Variants in CD177 observed in about 807,000 individuals in gnomAD.
The protein encoded by CD177 is CD177 antigen.
CD177 carries 41 observed loss-of-function variants against 38.1 expected under a neutral mutation model. The observed-to-expected ratio is 1.07, with a 90% CI of 0.84 to 1.39. The LOEUF (loss-of-function observed/expected upper bound fraction) is 1.39. CD177 is among the 40% of genes most tolerant of loss of function. The pLI is 0.00. For synonymous variants in CD177, 236 were observed against 216.7 expected, an observed-to-expected ratio of 1.09 and a Z score of -0.78; for missense variants, 619 against 523.8, an observed-to-expected ratio of 1.18 and a Z score of -1.77.
intron 3 of CD177, 113 bp from the exon 4 acceptor site, chr19:43,355,548 G>A (rs1197187708): frequency 7.8e-7 from 1 of 1,283,320 alleles, no homozygotes. Context: ...GGCCCCTTTG[G>A]GAAGGCTGAG....
rs552483180 is a variant in CD177 at position 43,360,381 on chromosome 19, G to A, written c.736G>A (p.Glu246Lys). Residue 246 changes from glutamate (E) to lysine (K), a missense_variant, in exon 6 of 9, where the codon GAG (glutamate) becomes AAG (lysine). By Grantham distance (56) the Glu-to-Lys change is moderately conservative. Coordinates refer to ENST00000618265, the MANE Select transcript of CD177 (RefSeq NM_020406.4). ...EMCEVGQVCQ[E>K]TLLLLDVGLT... ...GTGCGAGGTGGGGCAGGTGTGTCAG[G>A]AGACGCTGCTGCTCCTAGATGTAGG... 59 of 1,606,596 alleles carry A rather than the reference G, an allele frequency of 3.7e-5. No individual in the cohort carries two copies. The East Asian group carries it at 1.3e-3, about 35-fold the overall frequency.
rs1167018500 is a variant in CD177, at chr19:43,361,618, G to A, written c.1081+39G>A. ...GCAGGGCCCCAAGGATGAAGGCACT[G>A]GTGGCCTGGACTCCTGGGTCTGAGG... On this transcript the variant is annotated intron_variant, in intron 8 of 8. Transcript: ENST00000618265. 2.6e-6 allele frequency: 4 copies of A among 1,549,808 alleles called. No homozygotes were observed. The South Asian group carries it at 3.6e-5, about 14-fold the overall frequency.
intron 8 of CD177, 26 bp downstream of exon 8, chr19:43,361,605 G>A (rs1205576571): frequency 1.3e-6 from 2 of 1,553,358 alleles, no homozygotes; most frequent in Admixed American, 1.9e-5. Context: ...AGGGCCCCAA[G>A]GATGAAGGCA....
At position 43,355,978 on chromosome 19, in the gene CD177, C is replaced by T. The variant is rs1438299930; in HGVS notation, c.503-14C>T. On this transcript the variant is annotated splice_polypyrimidine_tract_variant and intron_variant, in intron 4 of 8. Coordinates refer to ENST00000618265, the MANE Select transcript of CD177 (RefSeq NM_020406.4). ...GCAGCATCACTGACTCTCCCTCGCT[C>T]CCCCTTTCTGCAGGAGGCATCTTCT... 1 of 668,402 alleles carries T rather than the reference C, an allele frequency of 1.5e-6. No homozygotes were observed. The highest frequency in any genetic ancestry group is 2.7e-6 in the Non-Finnish European group (1 of 367,078). 41.4% of individuals were successfully genotyped at this position (668,402 alleles called of 1,614,324 possible). A position where few individuals can be genotyped will look rare whatever the true frequency, so the allele number is the denominator to read the frequency against.
chr19:43,354,424 G>A (rs757170980), intron 3 of CD177, 32 bp downstream of exon 3: 2 of 1,610,470 alleles, frequency 1.2e-6, no homozygotes, highest in East Asian at 2.2e-5. Context: ...GGAGAGGGAG[G>A]GGCTGCTAGA....
rs7257560 is a variant in CD177, at chr19:43,362,671, T to C, written c.*351T>C. The C allele has an allele frequency of 0.36, 64,571 of 177,056 alleles. 12,200 individuals are homozygous for C. Among genetic ancestry groups the C allele is most frequent in the South Asian group, 0.54 (2,859 of 5,342 alleles). 11.0% of individuals were successfully genotyped at this position (177,056 alleles called of 1,614,324 possible). On this transcript the variant is annotated 3_prime_UTR_variant, in exon 9 of 9. Coordinates refer to ENST00000618265, the MANE Select transcript of CD177 (RefSeq NM_020406.4). ...GGAGCCTAATGAGAAAATGACCATC[T>C]AAAGCCTGCCCTTCATTGGTCTGGT... is the stretch of plus-strand genomic sequence containing the variant.
In CD177 at chr19:43,354,000, A is replaced by G. The variant is rs1969881721; in HGVS notation, c.193+7A>G. 16 of 1,612,928 alleles carry G rather than the reference A, an allele frequency of 9.9e-6. No individual in the cohort carries two copies. The highest frequency in any genetic ancestry group is 1.3e-5 in the African/African-American group (1 of 74,856). On this transcript the variant is annotated splice_region_variant and intron_variant, in intron 2 of 8. Transcript: ENST00000618265. Reference sequence around the variant, plus strand: ...TTGATGCTCATTGAGAGCGGTGAGAAGGCCCTGGCGTGCAGAGACCCCGCC... The same window carrying G: ...TTGATGCTCATTGAGAGCGGTGAGAGGGCCCTGGCGTGCAGAGACCCCGCC...
At chr19:43,365,886 G>C (rs1970022290), downstream of CD177, among the ~76,000 whole-genome samples, 1 of 152,174 alleles carries the variant, frequency 6.6e-6, no homozygotes, top group Non-Finnish European at 1.5e-5. Context: ...CTGACCCCAT[G>C]CTCAGCTGTC....
chr19:43,354,236 G>A lies in CD177; in HGVS notation c.223G>A (p.Gly75Ser). ...GPQVSLVLSKGCTEAKDQEPR... is the reference protein window; with the variant it reads ...GPQVSLVLSKSCTEAKDQEPR... Reference sequence around the variant, plus strand: ...CCAAGTGAGCCTGGTGCTCTCCAAGGGCTGCACGGAGGCCAAGGACCAGGA... The same window carrying A: ...CCAAGTGAGCCTGGTGCTCTCCAAGAGCTGCACGGAGGCCAAGGACCAGGA... Residue 75 changes from glycine (G) to serine (S), a missense_variant, in exon 3 of 9, where the codon GGC becomes AGC. Coordinates refer to ENST00000618265, the MANE Select transcript of CD177 (RefSeq NM_020406.4). The A allele has an allele frequency of 3.1e-6, 5 of 1,613,610 alleles. No homozygotes were observed. Among genetic ancestry groups the A allele is most frequent in the Non-Finnish European group, 4.2e-6 (5 of 1,179,760 alleles).
At chr19:43,364,180 C>T (rs1970010677), downstream of CD177, among the ~76,000 whole-genome samples, 2 of 152,214 alleles carry the variant, frequency 1.3e-5, no homozygotes, top group Admixed American at 6.5e-5. Flanking sequence ...CAGTGATGTC[C>T]TCCTCCCATT....
intron 2 of CD177, 78 bp from the exon 3 acceptor site, chr19:43,354,129 A>G: frequency 6.4e-7 from 1 of 1,567,364 alleles, no homozygotes. Flanking sequence ...CTCTCAGCCT[A>G]CGCCGTGTAG....
Position 43,354,330 on chromosome 19 carries a change from A to T in CD177, c.317A>T (p.Gln106Leu), listed in dbSNP as rs761934579. 1 of 1,613,944 alleles carries T rather than the reference A, an allele frequency of 6.2e-7. No individual in the cohort carries two copies. Among genetic ancestry groups the T allele is most frequent in the Non-Finnish European group, 8.5e-7 (1 of 1,179,858 alleles). The change falls in exon 3 of 9, where the codon CAG becomes CTG. Residue 106 changes from glutamine (Q) to leucine (L), a missense_variant. Coordinates refer to ENST00000618265, the MANE Select transcript of CD177 (RefSeq NM_020406.4). ...SLISYTFVCR[Q>L]EDFCNNLVNS... is the part of the protein sequence containing the mutation. ...ATCTCCTACACCTTCGTGTGCCGCCAGGAGGACTTCTGCAACAACCTCGTT... is the reference window on the plus strand; with the variant it reads ...ATCTCCTACACCTTCGTGTGCCGCCTGGAGGACTTCTGCAACAACCTCGTT...
chr19:43,361,956 G>A (rs570280254), intron 8 of CD177, 132 bp from the exon 9 acceptor site: 15 of 708,490 alleles, frequency 2.1e-5, no homozygotes, highest in Admixed American at 1.1e-4. Context: ...TGGACCCCTG[G>A]GTCTGAGGAG....
chr19:43,363,896 T>A (rs940029504), downstream of CD177, among the ~76,000 whole-genome samples: 1 of 152,082 alleles, frequency 6.6e-6, no homozygotes, highest in Non-Finnish European at 1.5e-5. Context: ...GAGACCAGCC[T>A]GGGCAACATA....
rs774137849 is a variant in CD177 at position 43,362,279 on chromosome 19, G to C, written c.1273G>C (p.Ala425Pro). Residue 425 changes from alanine (A) to proline (P), a missense_variant, in exon 9 of 9, where the codon GCC (alanine) becomes CCC (proline). Ala to Pro is a conservative substitution (Grantham distance 27, BLOSUM62 -1). Coordinates refer to ENST00000618265, the MANE Select transcript of CD177 (RefSeq NM_020406.4). ...CACTTGGGGGGTGGGGCTGGCACTG[G>C]CCCCAGCGCTGTGGTGGGGAGTGGT... ...SLTWGVGLAL[A>P]PALWWGVVCP... 7.1e-5 allele frequency: 114 copies of C among 1,594,776 alleles called. 2 individuals carry two copies. The Admixed American group carries it at 1.9e-3, about 26-fold the overall frequency.
chr19:43,362,207 C>A lies in CD177; in HGVS notation c.1201C>A (p.Pro401Thr). 6.2e-7 allele frequency: 1 copy of A among 1,613,010 alleles called. No homozygotes were observed. Among genetic ancestry groups the A allele is most frequent in the Non-Finnish European group, 8.5e-7 (1 of 1,179,380 alleles). ...GCGTGAGAAGCGTGATGTGCAGCCT[C>A]CTGCCTCTCAGCATGAGGGAGGTGG... ...SAREKRDVQPPASQHEGGGAE... is the reference protein window; with the variant it reads ...SAREKRDVQPTASQHEGGGAE... The change falls in exon 9 of 9, where the codon CCT becomes ACT. Residue 401 changes from proline (P) to threonine (T), a missense_variant. By Grantham distance (38) the Pro-to-Thr change is conservative. Coordinates refer to ENST00000618265, the MANE Select transcript of CD177 (RefSeq NM_020406.4).
chr19:43,362,110 C>G lies in CD177; in HGVS notation c.1104C>G (p.Ser368Arg), dbSNP rs1372128684. Reference sequence around the variant, plus strand: ...TAGGTGGGCTGTCCACCAAAATGAGCATTCAGGGCTGCGTGGCCCAACCTT... The same window carrying G: ...TAGGTGGGCTGTCCACCAAAATGAGGATTCAGGGCTGCGTGGCCCAACCTT... ...LSGGGLSTKM[S>R]IQGCVAQPSS... Residue 368 changes from serine (S) to arginine (R), a missense_variant, in exon 9 of 9, where the codon AGC becomes AGG. By Grantham distance (110) the Ser-to-Arg change is moderately radical. Coordinates refer to ENST00000618265, the MANE Select transcript of CD177 (RefSeq NM_020406.4). 6.2e-7 allele frequency: 1 copy of G among 1,613,722 alleles called. No individual in the cohort carries two copies. Among genetic ancestry groups the G allele is most frequent in the East Asian group, 2.2e-5 (1 of 44,888 alleles).
intron 2 of CD177, 29 bp downstream of exon 2, chr19:43,354,022 C>T (rs746854959): frequency 3.0e-5 from 48 of 1,604,866 alleles, no homozygotes; most frequent in African/African-American, 6.7e-5. Flanking sequence ...GCAGAGACCC[C>T]GCCCTGTCCC....
At chr19:43,363,436 G>A (rs1172534441), downstream of CD177, among the ~76,000 whole-genome samples, 4 of 151,936 alleles carry the variant, frequency 2.6e-5, no homozygotes, top group Non-Finnish European at 4.4e-5. Context: ...AGAGAGAGCC[G>A]GAGACAGAAA....
Sources: gnomAD v4.1 joint callset for allele counts (sites outside exome capture counted in the v4.1 genomes callset) on GRCh38, gnomAD v4.1.1 for gene constraint, MANE v1.5 for transcripts, NCBI Gene and HGNC (gene_info 2026-07-23, HGNC 2026-07-21) for gene names.